The following ADCY1 variants were observed in gnomAD, a reference collection of about 807,000 sequenced individuals.
ADCY1 encodes the protein adenylate cyclase type 1.
Under a neutral mutation model 105.4 loss-of-function variants are expected in ADCY1, and 28 were observed. The observed-to-expected ratio is 0.27, with a 90% CI of 0.20 to 0.36. The LOEUF is 0.36. ADCY1 is among the 10% of genes least tolerant of loss of function. ADCY1 has a pLI of 1.00. For synonymous variants in ADCY1, 655 were observed against 623.8 expected (o/e 1.05, Z -0.75); for missense variants, 977 against 1,434.2 (o/e 0.68, Z 5.15).
intron 14 of ADCY1, among the ~76,000 whole-genome samples, chr7:45,697,138 C>T (rs566024335): frequency 7.2e-5 from 11 of 152,154 alleles, no homozygotes; most frequent in Admixed American, 2.0e-4. Flanking sequence ...GCAGATCCTA[C>T]CCCCACATTT....
chr7:45,586,243 A>AC (rs1425601267), intron 1 of ADCY1, among the ~76,000 whole-genome samples: 1 of 151,964 alleles, frequency 6.6e-6, no homozygotes, highest in African/African-American at 2.4e-5. Flanking sequence ...TGCGGCCCTA[A>AC]CACCCCCTTG....
intron 3 of ADCY1, among the ~76,000 whole-genome samples, chr7:45,621,506 CACTG>C (rs1421469186): frequency 6.6e-6 from 1 of 152,180 alleles, no homozygotes; most frequent in African/African-American, 2.4e-5. Flanking sequence ...TGTGAACAAT[CACTG>C]AGCTCTTACT....
At chr7:45,579,148 C>T (rs1361221707) in intron 1 of ADCY1, among the ~76,000 whole-genome samples, 1 of 152,128 alleles carries the variant, frequency 6.6e-6, no homozygotes, top group East Asian at 1.9e-4. Context: ...AATCATAGGG[C>T]TCAAGGGCCC....
chr7:45,577,375 G>T (rs1203034129), intron 1 of ADCY1, among the ~76,000 whole-genome samples: 1 of 152,198 alleles, frequency 6.6e-6, no homozygotes, highest in Non-Finnish European at 1.5e-5. Flanking sequence ...GACTTACAGT[G>T]GGGGGAGCAG....
At chr7:45,619,010 A>G (rs762760169) in intron 3 of ADCY1, among the ~76,000 whole-genome samples, 8 of 152,226 alleles carry the variant, frequency 5.3e-5, no homozygotes, top group Non-Finnish European at 1.2e-4. Context: ...GTATATTTAC[A>G]GGATGGAATA....
rs1274725253 is a variant in ADCY1 at position 45,686,100 on chromosome 7, A to G, written c.2212A>G (p.Thr738Ala). The change falls in exon 13 of 20, where the codon ACC becomes GCC. Residue 738 changes from threonine (T) to alanine (A), a missense_variant. By Grantham distance (58) the Thr-to-Ala change is moderately conservative. Transcript: ENST00000297323. This position sits in a 1 kb window ranked among gnomAD's most constrained non-coding sequence, Gnocchi z 4.3. ...TGCCCTGCTCTGCTGCCTGGTGGGCACCCTCCCGCTAGCCATATTTTTCCG... is the reference window on the plus strand; with the variant it reads ...TGCCCTGCTCTGCTGCCTGGTGGGCGCCCTCCCGCTAGCCATATTTTTCCG... ...HHALLCCLVGTLPLAIFFRVS... is the reference protein window; with the variant it reads ...HHALLCCLVGALPLAIFFRVS... The G allele has an allele frequency of 6.2e-7, 1 of 1,613,746 alleles. No individual in the cohort carries two copies. Among genetic ancestry groups the G allele is most frequent in the East Asian group, 2.2e-5 (1 of 44,856 alleles).
intron 2 of ADCY1, among the ~76,000 whole-genome samples, chr7:45,607,458 C>T (rs867480137): frequency 2.0e-5 from 3 of 152,158 alleles, no homozygotes; most frequent in Non-Finnish European, 2.9e-5. Context: ...TTTTAACCTT[C>T]ATTTTAGATT....
At chr7:45,712,010 A>G (rs1785263941) in intron 19 of ADCY1, among the ~76,000 whole-genome samples, 1 of 111,790 alleles carries the variant, frequency 8.9e-6, no homozygotes, top group African/African-American at 4.0e-5. Flanking sequence ...TATATTAAAT[A>G]TATATTTTAT....
chr7:45,657,912 G>A, intron 6 of ADCY1, 27 bp downstream of exon 6: 1 of 708,638 alleles, frequency 1.4e-6, no homozygotes, highest in East Asian at 4.3e-5. Context: ...GTGGGGAGGG[G>A]AGGGAGGTGG....
intron 5 of ADCY1, among the ~76,000 whole-genome samples, chr7:45,657,161 G>T (rs1172835325): frequency 2.6e-5 from 4 of 152,238 alleles, no homozygotes; most frequent in African/African-American, 4.8e-5. Flanking sequence ...CTCATGTCTG[G>T]ATGTGGCCTC....
At chr7:45,606,187 T>C (rs1216843770) in intron 2 of ADCY1, among the ~76,000 whole-genome samples, 1 of 151,370 alleles carries the variant, frequency 6.6e-6, no homozygotes, top group East Asian at 1.9e-4. Flanking sequence ...CTCTGCAGAG[T>C]TGGGGGATGC....
intron 2 of ADCY1, among the ~76,000 whole-genome samples, chr7:45,593,547 G>A (rs1490409268): frequency 6.6e-6 from 1 of 152,182 alleles, no homozygotes; most frequent in Non-Finnish European, 1.5e-5. Flanking sequence ...CTGCTGCGCG[G>A]GGCCTGTGCC....
intron 2 of ADCY1, among the ~76,000 whole-genome samples, chr7:45,600,807 G>A (rs542102228): frequency 2.0e-5 from 3 of 152,254 alleles, no homozygotes; most frequent in African/African-American, 7.2e-5. Flanking sequence ...CCCTCTGTGC[G>A]CACACCCTTG....
rs1047091418 is a variant in ADCY1 at position 45,710,893 on chromosome 7, G to A, written c.3057+241G>A. On this transcript the variant is annotated intron_variant, in intron 19 of 19. Transcript: ENST00000297323. The surrounding 1 kb of genome is among the most constrained non-coding windows in gnomAD (Gnocchi z 4.7). ...TGAGTGACCAAGTGCAGTGGTGGGA[G>A]CACTGAGTCACTGGGTCCTGCTGCT... Among the ~76,000 whole-genome samples the A allele has an allele frequency of 3.9e-5, 6 of 152,180 alleles. No individual in the cohort carries two copies. Among genetic ancestry groups the A allele is most frequent in the African/African-American group, 1.4e-4 (6 of 41,450 alleles).
At chr7:45,614,166 A>G (rs1793668888) in intron 3 of ADCY1, among the ~76,000 whole-genome samples, 1 of 152,212 alleles carries the variant, frequency 6.6e-6, no homozygotes, top group Admixed American at 6.5e-5. Context: ...TCTAGCATAA[A>G]AGTTAAGAAA....
At position 45,700,318 on chromosome 7, in the gene ADCY1, G is replaced by A. The variant is rs544022962; in HGVS notation, c.2455-3058G>A. 3.3e-5 allele frequency among the ~76,000 whole-genome samples: 5 copies of A among 152,282 alleles called. No individual in the cohort carries two copies. In the South Asian group the frequency reaches 1.0e-3, roughly 32 times the overall value. ...GCTTGCTCTGATCTTTCTTCGTCCC[G>A]TCGGTGGCATGGGTCACAGAGTGCC... On this transcript the variant is annotated intron_variant, in intron 14 of 19. Transcript: ENST00000297323.
At position 45,716,596 on chromosome 7, in the gene ADCY1, C is replaced by T. The variant is rs1785362497; in HGVS notation, c.*2601C>T. 6.5e-6 allele frequency: 1 copy of T among 152,924 alleles called. No individual in the cohort carries two copies. The highest frequency in any genetic ancestry group is 1.9e-4 in the East Asian group (1 of 5,218). 9.5% of individuals were successfully genotyped at this position (152,924 alleles called of 1,614,324 possible). A position where few individuals can be genotyped will look rare whatever the true frequency, so the allele number is the denominator to read the frequency against. ...GTTGAGAAGGGTGCAGAGCCCCTGGCACAGCCAACCCTGTTGCCCCCAGTG... is the reference window on the plus strand; with the variant it reads ...GTTGAGAAGGGTGCAGAGCCCCTGGTACAGCCAACCCTGTTGCCCCCAGTG... On this transcript the variant is annotated 3_prime_UTR_variant, in exon 20 of 20. Transcript: ENST00000297323.
chr7:45,698,790 G>A (rs1167445655), intron 14 of ADCY1, among the ~76,000 whole-genome samples: 1 of 152,156 alleles, frequency 6.6e-6, no homozygotes, highest in Non-Finnish European at 1.5e-5. Flanking sequence ...GGGGAGCTGC[G>A]ACCTCTCCCC....
chr7:45,658,868 G>T (rs944857291), intron 6 of ADCY1, among the ~76,000 whole-genome samples: 12 of 152,210 alleles, frequency 7.9e-5, no homozygotes, highest in Non-Finnish European at 1.3e-4. Context: ...AAGGGTTGAG[G>T]CTTGCCGTGA....
Sources: allele counts gnomAD v4.1 joint callset (sites outside exome capture counted in the v4.1 genomes callset), GRCh38; gene constraint gnomAD v4.1.1; non-coding constraint Gnocchi (gnomAD v3.1); transcripts MANE v1.5; gene names NCBI Gene and HGNC (gene_info 2026-07-23, HGNC 2026-07-21).